NAALADL2: variants seen among roughly 807,000 people sequenced by gnomAD.
NAALADL2 encodes N-acetylated alpha-linked acidic dipeptidase like 2, also known as inactive N-acetylated-alpha-linked acidic dipeptidase-like protein 2.
NAALADL2 carries 76 observed loss-of-function variants against 87.2 expected under a neutral mutation model. The observed-to-expected ratio is 0.87, with a 90% confidence interval of 0.72 to 1.05. The LOEUF (loss-of-function observed/expected upper bound fraction) is 1.05. Ranked by LOEUF, NAALADL2 falls within the 50% of genes least tolerant of loss-of-function variation. The pLI is 0.00. For missense variants in NAALADL2, 1,089 were observed against 945.8 expected, an observed-to-expected ratio of 1.15 and a Z score of -1.99; for synonymous variants, 354 against 331.0, an observed-to-expected ratio of 1.07 and a Z score of -0.75.
chr3:174,499,925 C>T (rs778170271), intron 1 of NAALADL2, among the ~76,000 whole-genome samples: 21 of 151,822 alleles, frequency 1.4e-4, no homozygotes, highest in Admixed American at 3.9e-4. Context: ...TGGATTTCTG[C>T]GTGAATTTTA....
chr3:174,644,057 G>A (rs915837479), intron 2 of NAALADL2, among the ~76,000 whole-genome samples: 1 of 152,192 alleles, frequency 6.6e-6, no homozygotes, highest in Non-Finnish European at 1.5e-5. Flanking sequence ...ATCCACTCAT[G>A]TTAAAAATCA....
chr3:174,629,772 C>T (rs989885320), intron 2 of NAALADL2, among the ~76,000 whole-genome samples: 10 of 152,134 alleles, frequency 6.6e-5, no homozygotes, highest in African/African-American at 1.4e-4. Context: ...CTTTTACCTA[C>T]GTATGTATGC....
chr3:174,615,741 T>A (rs887752640), intron 2 of NAALADL2, among the ~76,000 whole-genome samples: 9 of 152,078 alleles, frequency 5.9e-5, no homozygotes, highest in Non-Finnish European at 1.2e-4. Context: ...TCTCCCATTC[T>A]CCCTTCCTGT....
At chr3:175,717,392 C>T (rs115155987) in intron 11 of NAALADL2, among the ~76,000 whole-genome samples, 2,257 of 151,812 alleles carry the variant, frequency 0.015, 54 homozygotes, top group African/African-American at 0.052. Context: ...TTTTTTAAAT[C>T]AAAAAATTAA....
At chr3:175,110,140 T>C (rs1176366494) in intron 2 of NAALADL2, among the ~76,000 whole-genome samples, 1 of 151,966 alleles carries the variant, frequency 6.6e-6, no homozygotes, top group East Asian at 1.9e-4. Context: ...AGAACTCTTA[T>C]GGTACGAATA....
chr3:174,962,424 T>TGTCATAGTGACTATGAC (rs1742236209), intron 1 of NAALADL2, among the ~76,000 whole-genome samples: 10 of 142,250 alleles, frequency 7.0e-5, no homozygotes, highest in African/African-American at 2.6e-4. Context: ...TATATATATA[T>TGTCATAGTGACTATGAC]ATATATATGT....
At chr3:175,360,156 G>A (rs1280483855) in intron 5 of NAALADL2, among the ~76,000 whole-genome samples, 1 of 151,988 alleles carries the variant, frequency 6.6e-6, no homozygotes, top group East Asian at 1.9e-4. Flanking sequence ...TTGCTTGTAT[G>A]ACTATGTAAA....
chr3:174,587,265 G>A (rs1230465324), intron 2 of NAALADL2, among the ~76,000 whole-genome samples: 4 of 152,080 alleles, frequency 2.6e-5, no homozygotes, highest in Non-Finnish European at 5.9e-5. Context: ...CCAAGTCTTT[G>A]CTATTGTGAA....
chr3:175,566,778 C>A (rs938792236), intron 9 of NAALADL2, among the ~76,000 whole-genome samples: 1 of 151,794 alleles, frequency 6.6e-6, no homozygotes, highest in Admixed American at 6.6e-5. Context: ...GCATATCTTT[C>A]TTCTTTATAT....
At chr3:175,508,101 G>A (rs1252658751) in intron 9 of NAALADL2, among the ~76,000 whole-genome samples, 1 of 152,170 alleles carries the variant, frequency 6.6e-6, no homozygotes, top group Admixed American at 6.5e-5. Flanking sequence ...AGAGAGTGGG[G>A]CAGAGGTGCC....
chr3:174,949,266 C>A (rs1448470163), intron 1 of NAALADL2, among the ~76,000 whole-genome samples: 1 of 152,140 alleles, frequency 6.6e-6, no homozygotes, highest in Non-Finnish European at 1.5e-5. Flanking sequence ...TCACAACACC[C>A]AGTAGGGTTT....
chr3:175,349,502 C>T (rs1193518548), intron 5 of NAALADL2, among the ~76,000 whole-genome samples: 1 of 152,192 alleles, frequency 6.6e-6, no homozygotes, highest in Non-Finnish European at 1.5e-5. Context: ...GAAAGAAATT[C>T]TGTCTTCATC....
chr3:175,120,703 G>A (rs1580558873), intron 2 of NAALADL2, among the ~76,000 whole-genome samples: 3 of 151,808 alleles, frequency 2.0e-5, no homozygotes, highest in South Asian at 4.1e-4. Context: ...TGGTTGAAAA[G>A]TGTAGCTATT....
intron 1 of NAALADL2, among the ~76,000 whole-genome samples, chr3:175,032,049 C>T (rs7640298): frequency 0.11 from 16,493 of 151,966 alleles, 1,086 homozygotes; most frequent in East Asian, 0.26. Flanking sequence ...AAACATTTCT[C>T]CCATTCTTTA....
At chr3:174,824,291 C>T (rs1721749240) in intron 3 of NAALADL2, among the ~76,000 whole-genome samples, 1 of 152,014 alleles carries the variant, frequency 6.6e-6, no homozygotes, top group Admixed American at 6.6e-5. Context: ...TTGTAATAAT[C>T]TATAGAAAGA....
intron 1 of NAALADL2, among the ~76,000 whole-genome samples, chr3:174,457,487 G>C (rs1715918700): frequency 6.6e-6 from 1 of 152,120 alleles, no homozygotes; most frequent in Non-Finnish European, 1.5e-5. Flanking sequence ...AAGAAAATGT[G>C]GTAAATACTC....
At chr3:174,591,699 CTT>C (rs1381865820) in intron 2 of NAALADL2, among the ~76,000 whole-genome samples, 2 of 152,120 alleles carry the variant, frequency 1.3e-5, no homozygotes, top group East Asian at 3.9e-4. Flanking sequence ...CCTTTTCTCT[CTT>C]AGAGAAATTT....
intron 4 of NAALADL2, among the ~76,000 whole-genome samples, chr3:175,315,867 G>T (rs564236114): frequency 2.4e-4 from 36 of 152,082 alleles, no homozygotes; most frequent in African/African-American, 8.2e-4. Flanking sequence ...CTATTTTAAG[G>T]CTTTTTTAAC....
At chr3:175,488,067 T>A (rs528668920) in intron 9 of NAALADL2, among the ~76,000 whole-genome samples, 1 of 152,276 alleles carries the variant, frequency 6.6e-6, no homozygotes, top group South Asian at 2.1e-4. Flanking sequence ...GTGTAGAGTT[T>A]AATAGCATGA....
Sources: allele counts gnomAD v4.1 joint callset (sites outside exome capture counted in the v4.1 genomes callset), GRCh38; gene constraint gnomAD v4.1.1; transcripts MANE v1.5; gene names NCBI Gene and HGNC (gene_info 2026-07-23, HGNC 2026-07-21).